The following DOCK8 variants were observed in gnomAD, a reference collection of about 807,000 sequenced individuals.
DOCK8 encodes the protein dedicator of cytokinesis 8, also known as dedicator of cytokinesis protein 8.
DOCK8 carries 141 observed loss-of-function variants against 245.6 expected under a neutral mutation model. The ratio of observed to expected loss-of-function variants is 0.57; its 90% CI spans 0.50 to 0.66. The LOEUF (loss-of-function observed/expected upper bound fraction) is 0.66, where lower values mean the gene tolerates loss of function less well. DOCK8 is among the 30% of genes least tolerant of loss of function. DOCK8 has a pLI of 0.00. For missense variants in DOCK8, 2,965 were observed against 2,603.4 expected, an observed-to-expected ratio of 1.14 and a Z score of -3.02; for synonymous variants, 1,168 against 970.2, an observed-to-expected ratio of 1.20 and a Z score of -3.79.
At chr9:241,453 C>G (rs2047371055) in intron 1 of DOCK8, among the ~76,000 whole-genome samples, 1 of 152,152 alleles carries the variant, frequency 6.6e-6, no homozygotes, top group South Asian at 2.1e-4. Flanking sequence ...AGTTTTTTAG[C>G]TTCTGCATGT....
intron 14 of DOCK8, among the ~76,000 whole-genome samples, chr9:349,855 C>T (rs1460271555): frequency 6.6e-6 from 1 of 152,200 alleles, no homozygotes; most frequent in Non-Finnish European, 1.5e-5. Context: ...CTGATTCATT[C>T]TCTTTGGCTC....
At chr9:334,428 T>C (rs1475187167) in intron 11 of DOCK8, 44 bp downstream of exon 11, 1 of 1,599,412 alleles carries the variant, frequency 6.3e-7, no homozygotes, top group African/African-American at 1.3e-5. Context: ...CTCCCCAGTG[T>C]GCGCTGCCCA....
chr9:289,442 C>T (rs2048949469), intron 3 of DOCK8, 68 bp from the exon 4 acceptor site: 2 of 1,262,446 alleles, frequency 1.6e-6, no homozygotes, highest in African/African-American at 1.5e-5. Flanking sequence ...GTTCCTTGCT[C>T]ATGATTAGGG....
upstream of DOCK8, chr9:214,589 C>G: frequency 6.2e-7 from 1 of 1,614,064 alleles, no homozygotes. Flanking sequence ...GGCAGCCTCG[C>G]AGCTTCGGGC....
At chr9:306,348 A>G (rs1310056650) in intron 5 of DOCK8, among the ~76,000 whole-genome samples, 1 of 152,228 alleles carries the variant, frequency 6.6e-6, no homozygotes, top group East Asian at 1.9e-4. Flanking sequence ...GAATACCTGG[A>G]TGCTCTGCTC....
intron 34 of DOCK8, among the ~76,000 whole-genome samples, chr9:428,146 T>A (rs543662353): frequency 6.6e-6 from 1 of 152,292 alleles, no homozygotes; most frequent in South Asian, 2.1e-4. Context: ...CAGAATTAGG[T>A]ATAAATCCCA....
chr9:325,826 A>T, intron 8 of DOCK8, 89 bp downstream of exon 8: 1 of 1,227,382 alleles, frequency 8.1e-7, no homozygotes. Context: ...TTGCAGCAAG[A>T]ACCTATCAGA....
chr9:248,410 CTCTT>C (rs1449359564), intron 1 of DOCK8, among the ~76,000 whole-genome samples: 1 of 152,068 alleles, frequency 6.6e-6, no homozygotes, highest in Non-Finnish European at 1.5e-5. Flanking sequence ...GTCAAGTGTT[CTCTT>C]TCTTTTATTT....
rs1473803291 is a variant in DOCK8 at position 464,259 on chromosome 9, C to T, written c.*40C>T. 6.4e-7 allele frequency: 1 copy of T among 1,561,516 alleles called. No homozygotes were observed. On this transcript the variant is annotated 3_prime_UTR_variant, in exon 48 of 48. Coordinates refer to ENST00000432829, the MANE Select transcript of DOCK8 (RefSeq NM_203447.4). ...ATTCGTGGAGACTGTGGCCCTGCAA[C>T]CCTGGAGAAGGACTTGCTGGTACTT...
At chr9:280,487 A>G (rs2048532029) in intron 2 of DOCK8, among the ~76,000 whole-genome samples, 1 of 152,196 alleles carries the variant, frequency 6.6e-6, no homozygotes, top group Non-Finnish European at 1.5e-5. Context: ...GCGAGCTTAA[A>G]AGTCCGCAGG....
At chr9:374,453 GTTTTTTTTTTT>G (rs762085208) in intron 18 of DOCK8, among the ~76,000 whole-genome samples, 1 of 75,348 alleles carries the variant, frequency 1.3e-5, no homozygotes, top group Non-Finnish European at 2.3e-5. Flanking sequence ...GTCCTTTTGT[GTTTTTTTTTTT>G]TTTTTTTTTT....
intron 14 of DOCK8, among the ~76,000 whole-genome samples, chr9:353,874 C>T (rs930205127): frequency 6.6e-6 from 1 of 152,100 alleles, no homozygotes; most frequent in Non-Finnish European, 1.5e-5. Context: ...TAGCATTCTT[C>T]TTATTATCTG....
intron 2 of DOCK8, 113 bp downstream of exon 2, chr9:271,842 C>A: frequency 1.4e-6 from 1 of 726,264 alleles, no homozygotes; most frequent in Non-Finnish European, 2.4e-6. Context: ...ATTCTCCAGT[C>A]ACCAGATCCT....
chr9:461,508 T>C (rs1381893881), intron 46 of DOCK8, among the ~76,000 whole-genome samples: 1 of 151,386 alleles, frequency 6.6e-6, no homozygotes, highest in African/African-American at 2.4e-5. Context: ...CATTGAGTTT[T>C]TTGTCTTTTA....
In DOCK8 at chr9:446,364, C is replaced by G. The variant is rs766182570; in HGVS notation, c.5581-6C>G. ...ATCTTCTCCCTCCGTGCCTTTTCCC[C>G]CTTAGGCCTACATACAGATCACTTT... On this transcript the variant is annotated splice_region_variant and splice_polypyrimidine_tract_variant and intron_variant, in intron 43 of 47. Coordinates refer to ENST00000432829, the MANE Select transcript of DOCK8 (RefSeq NM_203447.4). The G allele has an allele frequency of 6.2e-7, 1 of 1,612,728 alleles. No individual in the cohort carries two copies. Among genetic ancestry groups the G allele is most frequent in the Non-Finnish European group, 8.5e-7 (1 of 1,178,714 alleles).
At chr9:315,404 A>G (rs1460293700) in intron 6 of DOCK8, among the ~76,000 whole-genome samples, 7 of 152,202 alleles carry the variant, frequency 4.6e-5, no homozygotes, top group Non-Finnish European at 1.5e-5. Flanking sequence ...GAGGAAATAT[A>G]TCACCCAAAT....
At chr9:399,110 C>G (rs759341930) in intron 25 of DOCK8, 36 bp from the exon 26 acceptor site, 7 of 1,589,396 alleles carry the variant, frequency 4.4e-6, no homozygotes, top group Non-Finnish European at 2.6e-6. Flanking sequence ...TCCAGAGTGT[C>G]CCACAAAATG....
Position 443,411 on chromosome 9 carries a change from G to A in DOCK8, c.5491-16G>A. ...GTTAAAATAACCTTTATAAACTGTT[G>A]GTTCTTCTTACCTAGGCATTTTATG... On this transcript the variant is annotated splice_polypyrimidine_tract_variant and intron_variant, in intron 42 of 47. Transcript: ENST00000432829. 2.5e-6 allele frequency: 4 copies of A among 1,609,882 alleles called. No individual in the cohort carries two copies. Among genetic ancestry groups the A allele is most frequent in the Non-Finnish European group, 3.4e-6 (4 of 1,176,370 alleles).
intron 23 of DOCK8, 109 bp downstream of exon 23, chr9:386,535 G>A (rs2053962371): frequency 1.1e-6 from 1 of 915,472 alleles, no homozygotes; most frequent in Admixed American, 2.0e-5. Flanking sequence ...GCCTGTCCCT[G>A]ATGTGCTAAC....
Sources: allele counts gnomAD v4.1 joint callset (sites outside exome capture counted in the v4.1 genomes callset), GRCh38; gene constraint gnomAD v4.1.1; transcripts MANE v1.5; gene names NCBI Gene and HGNC (gene_info 2026-07-23, HGNC 2026-07-21).